The following WDR86 variants were observed in gnomAD, a reference collection of about 807,000 sequenced individuals.
WDR86 encodes the protein WD repeat-containing protein 86.
Under a neutral mutation model 36.5 loss-of-function variants are expected in WDR86, and 30 were observed. That is an observed-to-expected ratio of 0.82 (90% CI 0.61 to 1.11). The LOEUF (loss-of-function observed/expected upper bound fraction) is 1.11, where lower values mean the gene tolerates loss of function less well. WDR86 is among the 50% of genes most tolerant of loss of function. WDR86 has a pLI of 0.00. For synonymous variants in WDR86, 255 were observed against 252.9 expected (o/e 1.01, Z -0.08); for missense variants, 545 against 561.2 (o/e 0.97, Z 0.29).
At chr7:151,376,674 C>T (rs781515966), downstream of WDR86, 19 of 1,611,284 alleles carry the variant, frequency 1.2e-5, no homozygotes, top group Middle Eastern at 1.7e-4. Context: ...GCCGAAGCTG[C>T]GCTGAGAGTG....
At chr7:151,389,746 T>C (rs1799276164) in intron 3 of WDR86, among the ~76,000 whole-genome samples, 1 of 152,142 alleles carries the variant, frequency 6.6e-6, no homozygotes, top group African/African-American at 2.4e-5. Flanking sequence ...CGCCTGGAAG[T>C]GAGCATGAGG....
intron 2 of WDR86, among the ~76,000 whole-genome samples, chr7:151,399,397 G>A (rs551865467): frequency 1.4e-4 from 22 of 152,212 alleles, no homozygotes; most frequent in African/African-American, 4.3e-4. Flanking sequence ...GGACCCCCTC[G>A]TGCCAGCCTG....
At chr7:151,385,290 A>G (rs760925046) in intron 3 of WDR86, 67 bp from the exon 4 acceptor site, 30 of 1,594,468 alleles carry the variant, frequency 1.9e-5, no homozygotes, top group African/African-American at 1.9e-4. Flanking sequence ...CTCTCCCTCT[A>G]TAAGGGGGGA....
downstream of WDR86, among the ~76,000 whole-genome samples, chr7:151,379,102 G>A (rs911132595): frequency 1.3e-5 from 2 of 152,220 alleles, no homozygotes; most frequent in African/African-American, 2.4e-5. Context: ...TGGGGAGTCA[G>A]AGGAAAAAGC....
chr7:151,390,448 C>T lies in WDR86; in HGVS notation c.727-5225G>A, dbSNP rs951123597. Among the ~76,000 whole-genome samples the T allele has an allele frequency of 5.3e-5, 8 of 151,640 alleles. No homozygotes were observed. The highest frequency in any genetic ancestry group is 1.2e-4 in the Non-Finnish European group (8 of 67,886). ...GCTGTGGGCAGAGGGGATGGTACGG[C>T]GCCCACCTCCCATCCCTTTCCCTCT... is the stretch of plus-strand genomic sequence containing the variant. On this transcript the variant is annotated intron_variant, in intron 3 of 5. Transcript: ENST00000334493. The surrounding 1 kb of genome is among the most constrained non-coding windows in gnomAD (Gnocchi z 4.5).
At position 151,395,851 on chromosome 7, in the gene WDR86, G is replaced by C; in HGVS notation, c.651C>G (p.Ile217Met). ...TAFTGSTDAT[I>M]RAWDILSGEQ... is the part of the protein sequence containing the mutation. ...CCCCACTCAGGATGTCCCAGGCACG[G>C]ATGGTGGCGTCGGTGCTGCCTGTGA... Residue 217 changes from isoleucine to methionine, a missense_variant, in exon 3 of 6, where the codon ATC becomes ATG. By Grantham distance (10) the Ile-to-Met change is conservative. Coordinates refer to ENST00000334493, the MANE Select transcript of WDR86 (RefSeq NM_198285.3). 6.3e-7 allele frequency: 1 copy of C among 1,591,084 alleles called. No individual in the cohort carries two copies.
chr7:151,375,861 A>G, downstream of WDR86: 1 of 1,610,832 alleles, frequency 6.2e-7, no homozygotes, highest in Non-Finnish European at 8.5e-7. Context: ...CTGCTCAGCA[A>G]TCCTCAGATG....
downstream of WDR86, among the ~76,000 whole-genome samples, chr7:151,371,328 T>G (rs1584969839): frequency 6.6e-6 from 1 of 152,172 alleles, no homozygotes. Context: ...GGCTTACTGA[T>G]GTCACTGAGG....
chr7:151,399,087 C>T (rs1044282959), intron 2 of WDR86, among the ~76,000 whole-genome samples: 2 of 152,320 alleles, frequency 1.3e-5, no homozygotes, highest in Middle Eastern at 3.4e-3. Context: ...TGAGGAAGGC[C>T]GGGGCCAGAC....
downstream of WDR86, among the ~76,000 whole-genome samples, chr7:151,378,634 G>A (rs571816121): frequency 3.9e-5 from 6 of 152,306 alleles, no homozygotes; most frequent in East Asian, 5.8e-4. Flanking sequence ...CACGCCAAGC[G>A]GGGCTGGGGT....
In WDR86 at chr7:151,395,859, C is replaced by A; in HGVS notation, c.643G>T (p.Ala215Ser). 1 of 1,593,680 alleles carries A rather than the reference C, an allele frequency of 6.3e-7. No homozygotes were observed. ...GHTAFTGSTD[A>S]TIRAWDILSG... ...AGGATGTCCCAGGCACGGATGGTGG[C>A]GTCGGTGCTGCCTGTGAAGGCCGTG... Residue 215 changes from alanine to serine, a missense_variant, in exon 3 of 6, where the codon GCC (alanine) becomes TCC (serine). Physicochemically the swap from Ala to Ser is moderately conservative, Grantham distance 99. Coordinates refer to ENST00000334493, the MANE Select transcript of WDR86 (RefSeq NM_198285.3).
At chr7:151,394,321 C>T (rs968372807) in intron 3 of WDR86, among the ~76,000 whole-genome samples, 10 of 152,312 alleles carry the variant, frequency 6.6e-5, no homozygotes, top group South Asian at 4.1e-4. Flanking sequence ...CTTGGAGCCC[C>T]GGGGCCGCCT....
chr7:151,368,973 C>T, the WDR86 span: 1 of 1,318,316 alleles, frequency 7.6e-7, no homozygotes, highest in Admixed American at 3.1e-5. Context: ...ACCAGGAACT[C>T]TTTATTACTC....
chr7:151,408,554 C>T (rs1800914497), intron 1 of WDR86: 1 of 205,416 alleles, frequency 4.9e-6, no homozygotes, highest in Non-Finnish European at 1.0e-5. Flanking sequence ...GGGCTAATAT[C>T]CTACCTAAGT....
chr7:151,374,322 A>G, downstream of WDR86: 1 of 1,499,616 alleles, frequency 6.7e-7, no homozygotes, highest in Non-Finnish European at 9.0e-7. Context: ...GCTCTCCAGC[A>G]TCCTCCCGGG....
chr7:151,382,110 T>G, intron 4 of WDR86, 129 bp from the exon 5 acceptor site: 1 of 757,410 alleles, frequency 1.3e-6, no homozygotes, highest in Non-Finnish European at 2.2e-6. Context: ...GAGGCTCATA[T>G]GGGAAGTGGA....
intron 1 of WDR86, among the ~76,000 whole-genome samples, chr7:151,402,568 C>T (rs956921507): frequency 1.3e-5 from 2 of 152,160 alleles, no homozygotes; most frequent in Non-Finnish European, 2.9e-5. Context: ...GAGGGTGACT[C>T]GGTGCCCGTA....
In WDR86 at chr7:151,381,240, G is replaced by GC. The variant is rs1164304562; in HGVS notation, c.*341dup. ...AAGTCACTTCCTCTCAGCAGGAAAG[G>GC]CCCAGTTTCGTGGGGCTGGGGGAGC... On this transcript the variant is annotated 3_prime_UTR_variant, in exon 6 of 6. Transcript: ENST00000334493. The surrounding 1 kb of genome is among the most constrained non-coding windows in gnomAD (Gnocchi z 4.8). The GC allele has an allele frequency of 3.1e-6, 4 of 1,300,374 alleles. No homozygotes were observed. The highest frequency in any genetic ancestry group is 3.9e-6 in the Non-Finnish European group (4 of 1,028,908). The allele number at this position is 1,300,374 out of a possible 1,614,324, so 80.6% of individuals were successfully genotyped here. A position where few individuals can be genotyped will look rare whatever the true frequency, so the allele number is the denominator to read the frequency against.
rs368973695 is a variant in WDR86, at chr7:151,394,125, G to A, written c.726+1651C>T. On this transcript the variant is annotated intron_variant, in intron 3 of 5. Coordinates refer to ENST00000334493, the MANE Select transcript of WDR86 (RefSeq NM_198285.3). Reference sequence around the variant, plus strand: ...CCGGACTGCTGTGCCCCTTCCCCACGACGAGCTGCTCTCCCAAGCCCCTCA... The same window carrying A: ...CCGGACTGCTGTGCCCCTTCCCCACAACGAGCTGCTCTCCCAAGCCCCTCA... Among the ~76,000 whole-genome samples the A allele has an allele frequency of 2.6e-4, 40 of 152,250 alleles. 1 individual carries two copies. The South Asian group carries it at 8.1e-3, about 31-fold the overall frequency.
Sources: allele counts gnomAD v4.1 joint callset (sites outside exome capture counted in the v4.1 genomes callset), GRCh38; gene constraint gnomAD v4.1.1; non-coding constraint Gnocchi (gnomAD v3.1); transcripts MANE v1.5; gene names NCBI Gene and HGNC (gene_info 2026-07-23, HGNC 2026-07-21).